C12orf60: variants seen among roughly 807,000 people sequenced by gnomAD.
C12orf60 encodes the protein chromosome 12 open reading frame 60.
For missense variants in C12orf60, 284 were observed against 283.2 expected (o/e 1.00, Z -0.02); for synonymous variants, 102 against 94.6 (o/e 1.08, Z -0.45).
intron 1 of C12orf60, among the ~76,000 whole-genome samples, chr12:14,813,544 C>T (rs1258424965): frequency 6.6e-6 from 1 of 152,216 alleles, no homozygotes; most frequent in Non-Finnish European, 1.5e-5. Flanking sequence ...CAGCATTTAT[C>T]AAGTGCTCAC....
intron 1 of C12orf60, among the ~76,000 whole-genome samples, chr12:14,809,748 A>G (rs1198720039): frequency 6.6e-6 from 1 of 152,222 alleles, no homozygotes; most frequent in Non-Finnish European, 1.5e-5. Flanking sequence ...TTTGACTAAC[A>G]AAGATGGCCA....
intron 1 of C12orf60, among the ~76,000 whole-genome samples, chr12:14,818,523 G>A (rs1224564426): frequency 1.3e-5 from 2 of 152,210 alleles, no homozygotes; most frequent in East Asian, 1.9e-4. Context: ...GCTTATGCCT[G>A]TAATCCCAGC....
intron 1 of C12orf60, chr12:14,804,791 C>T (rs1457257289): frequency 6.6e-6 from 1 of 152,158 alleles, no homozygotes; most frequent in African/African-American, 2.4e-5. Flanking sequence ...ATATTAAAGT[C>T]TTTCATGTAG....
chr12:14,809,495 C>G (rs925918040), intron 1 of C12orf60, among the ~76,000 whole-genome samples: 1 of 152,076 alleles, frequency 6.6e-6, no homozygotes, highest in African/African-American at 2.4e-5. Context: ...AAAGCAGACC[C>G]TTCTATCTGT....
chr12:14,813,310 C>T (rs80298634), intron 1 of C12orf60, among the ~76,000 whole-genome samples: 2,490 of 152,302 alleles, frequency 0.016, 67 homozygotes, highest in African/African-American at 0.056. Context: ...CCATCATGCA[C>T]AGTTTCCTTA....
intron 1 of C12orf60, among the ~76,000 whole-genome samples, chr12:14,816,210 G>A (rs1257110379): frequency 6.6e-6 from 1 of 151,978 alleles, no homozygotes; most frequent in East Asian, 1.9e-4. Flanking sequence ...TTTCACTGCT[G>A]GATTGACAGT....
intron 1 of C12orf60, among the ~76,000 whole-genome samples, chr12:14,818,748 A>G (rs1950262334): frequency 6.6e-6 from 1 of 152,198 alleles, no homozygotes. Context: ...GCGTCACTGC[A>G]CGCCAGCCTG....
At chr12:14,808,767 T>C (rs1289952407) in intron 1 of C12orf60, among the ~76,000 whole-genome samples, 4 of 152,228 alleles carry the variant, frequency 2.6e-5, no homozygotes, top group African/African-American at 4.8e-5. Context: ...TATCCTTGAT[T>C]CAAATCCAGC....
intron 1 of C12orf60, among the ~76,000 whole-genome samples, chr12:14,822,367 A>G (rs1020388617): frequency 9.2e-5 from 14 of 151,988 alleles, no homozygotes; most frequent in African/African-American, 3.1e-4. Context: ...CACACCCTCA[A>G]ACAAAAAGTC....
chr12:14,822,806 C>A, intron 1 of C12orf60, 106 bp from the exon 2 acceptor site: 1 of 926,316 alleles, frequency 1.1e-6, no homozygotes, highest in Non-Finnish European at 1.6e-6. Context: ...AGCTTTCCTG[C>A]CCTTGGCAGG....
chr12:14,820,675 T>G (rs955621568), intron 1 of C12orf60, among the ~76,000 whole-genome samples: 2 of 152,094 alleles, frequency 1.3e-5, no homozygotes, highest in Admixed American at 6.5e-5. Context: ...TTAATTCTAT[T>G]AAGAGAAGAT....
rs757671340 is a variant in C12orf60, at chr12:14,823,051, G to T, written c.116G>T (p.Arg39Leu). The stretch of plus-strand genomic sequence containing the variant: ...AACACACTGACTGAATTGTTTAGCC[G>T]CAGTATGAATACTCAAATCCTTTTG... ...VINTLTELFSRSMNTQILLMA... is the reference protein window; with the variant it reads ...VINTLTELFSLSMNTQILLMA... The change falls in exon 2 of 2, where the codon CGC (arginine) becomes CTC (leucine). Residue 39 changes from arginine to leucine, a missense_variant. Physicochemically the swap from Arg to Leu is moderately radical, Grantham distance 102. Coordinates refer to ENST00000330828, the MANE Select transcript of C12orf60 (RefSeq NM_175874.4). 3.7e-6 allele frequency: 6 copies of T among 1,614,028 alleles called. No homozygotes were observed. The highest frequency in any genetic ancestry group is 1.3e-5 in the African/African-American group (1 of 75,056).
At chr12:14,812,959 G>A (rs1373705775) in intron 1 of C12orf60, among the ~76,000 whole-genome samples, 1 of 152,106 alleles carries the variant, frequency 6.6e-6, no homozygotes, top group African/African-American at 2.4e-5. Flanking sequence ...AGAAGTTCTT[G>A]CCTATTTGGA....
chr12:14,818,046 C>T (rs1448617336), intron 1 of C12orf60, among the ~76,000 whole-genome samples: 1 of 152,194 alleles, frequency 6.6e-6, no homozygotes, highest in Non-Finnish European at 1.5e-5. Flanking sequence ...GATGGTATCT[C>T]ACTGTGGTTT....
At position 14,823,016 on chromosome 12, in the gene C12orf60, T is replaced by C. The variant is rs1176959220; in HGVS notation, c.81T>C (p.Ala27=). The C allele has an allele frequency of 1.2e-6, 2 of 1,612,658 alleles. No individual in the cohort carries two copies. The highest frequency in any genetic ancestry group is 3.3e-5 in the Admixed American group (2 of 60,004). The change falls in exon 2 of 2, where the codon GCT becomes GCC. Residue 27 remains alanine, a synonymous_variant. Transcript: ENST00000330828. The part of the protein sequence containing the change: ...KMFFFHVQDL[A]SVINTLTELF... ...TCTTCTTTCATGTACAAGATCTTGC[T>C]TCTGTCATAAACACACTGACTGAAT...
intron 1 of C12orf60, among the ~76,000 whole-genome samples, chr12:14,814,608 T>C (rs1950189204): frequency 6.6e-6 from 1 of 152,232 alleles, no homozygotes; most frequent in South Asian, 2.1e-4. Flanking sequence ...GATATATAAA[T>C]GCAGTTACTT....
In C12orf60 at chr12:14,807,451, T is replaced by C. The variant is rs575114839; in HGVS notation, c.-25+3700T>C. Among the ~76,000 whole-genome samples the C allele has an allele frequency of 1.5e-4, 23 of 152,342 alleles. No individual in the cohort carries two copies. In the South Asian group the frequency reaches 4.8e-3, roughly 32 times the overall value. ...ATTTCTCTAGCATTTGGAGTTAAAC[T>C]CTAGTCAGGGCCAGATAAATATTAA... On this transcript the variant is annotated intron_variant, in intron 1 of 1. Transcript: ENST00000330828.
chr12:14,811,144 G>T (rs940085151), intron 1 of C12orf60, among the ~76,000 whole-genome samples: 6 of 152,144 alleles, frequency 3.9e-5, no homozygotes, highest in African/African-American at 1.4e-4. Context: ...GTCACATGAT[G>T]GTGCTTCCTG....
chr12:14,822,317 G>A (rs1016349367), intron 1 of C12orf60, among the ~76,000 whole-genome samples: 33 of 149,834 alleles, frequency 2.2e-4, no homozygotes, highest in African/African-American at 7.0e-4. Context: ...GAAGACAAAC[G>A]ACAACAACAA....
Sources: gnomAD v4.1 joint callset for allele counts (sites outside exome capture counted in the v4.1 genomes callset) on GRCh38, gnomAD v4.1.1 for gene constraint, MANE v1.5 for transcripts, NCBI Gene and HGNC (gene_info 2026-07-23, HGNC 2026-07-21) for gene names.